The following GRID1 variants were observed in gnomAD, a reference collection of about 807,000 sequenced individuals.
GRID1 encodes glutamate ionotropic receptor delta type subunit 1.
Under a neutral mutation model 98.0 loss-of-function variants are expected in GRID1, and 28 were observed. The observed-to-expected ratio is 0.29, with a 90% confidence interval of 0.21 to 0.39. GRID1 has a LOEUF of 0.39. Ranked by LOEUF, GRID1 falls within the 10% of genes least tolerant of loss-of-function variation. The probability of loss-of-function intolerance (pLI) is 1.00; values close to 1 mark genes in which losing one functional copy is unlikely to be tolerated. For missense variants in GRID1, 1,111 were observed against 1,340.5 expected, an observed-to-expected ratio of 0.83 and a Z score of 2.67; for synonymous variants, 553 against 538.5, an observed-to-expected ratio of 1.03 and a Z score of -0.37.
intron 4 of GRID1, among the ~76,000 whole-genome samples, chr10:85,937,609 G>A (rs965929146): frequency 3.9e-5 from 6 of 152,220 alleles, no homozygotes; most frequent in African/African-American, 1.4e-4. Flanking sequence ...GATTCTAGAT[G>A]ATAGGAGCTG....
chr10:86,178,793 C>T (rs896836940), intron 3 of GRID1, among the ~76,000 whole-genome samples: 4 of 152,106 alleles, frequency 2.6e-5, no homozygotes, highest in East Asian at 1.9e-4. Context: ...CTGCTTGATT[C>T]GGAGTGAGAC....
intron 13 of GRID1, chr10:85,644,109 A>G (rs1417769912): frequency 6.6e-6 from 1 of 152,160 alleles, no homozygotes; most frequent in Non-Finnish European, 1.5e-5. Flanking sequence ...TCGCCTGCAA[A>G]GAGGGAAGGG....
At chr10:86,313,855 G>A (rs535030703) in intron 2 of GRID1, among the ~76,000 whole-genome samples, 5 of 152,266 alleles carry the variant, frequency 3.3e-5, no homozygotes, top group East Asian at 1.9e-4. Flanking sequence ...TGGGCCTGTC[G>A]GCGCTTGTTG....
intron 4 of GRID1, among the ~76,000 whole-genome samples, chr10:86,008,505 T>C (rs1216633271): frequency 6.6e-6 from 1 of 152,192 alleles, no homozygotes; most frequent in Admixed American, 6.5e-5. Context: ...ACACTTATAA[T>C]TGACCATGAA....
intron 4 of GRID1, among the ~76,000 whole-genome samples, chr10:85,991,853 G>A (rs1039638253): frequency 4.0e-5 from 6 of 149,444 alleles, no homozygotes; most frequent in South Asian, 2.1e-4. Context: ...GAAAGGGGAT[G>A]TGGAAAATGT....
At chr10:85,763,452 AC>A (rs1842168267) in intron 8 of GRID1, among the ~76,000 whole-genome samples, 1 of 152,174 alleles carries the variant, frequency 6.6e-6, no homozygotes, top group African/African-American at 2.4e-5. Flanking sequence ...ACTCTATCCC[AC>A]TACCTTCTGA....
intron 4 of GRID1, among the ~76,000 whole-genome samples, chr10:86,103,120 A>G (rs1228379450): frequency 1.3e-5 from 2 of 152,260 alleles, no homozygotes; most frequent in East Asian, 3.9e-4. Context: ...TCTTCATAGC[A>G]GTATGAAATG....
chr10:85,685,302 A>T (rs886613570), intron 12 of GRID1, among the ~76,000 whole-genome samples: 1 of 152,218 alleles, frequency 6.6e-6, no homozygotes, highest in Non-Finnish European at 1.5e-5. Flanking sequence ...TAAAACATAA[A>T]GTAAAATTTA....
At chr10:85,904,909 A>G (rs1173062533) in intron 5 of GRID1, among the ~76,000 whole-genome samples, 1 of 152,164 alleles carries the variant, frequency 6.6e-6, no homozygotes, top group African/African-American at 2.4e-5. Context: ...AAGTAAGAGG[A>G]TATGGAGGCA....
chr10:85,749,596 G>A (rs1055183852), intron 8 of GRID1, among the ~76,000 whole-genome samples: 1 of 152,132 alleles, frequency 6.6e-6, no homozygotes, highest in African/African-American at 2.4e-5. Flanking sequence ...TTTAAAATAA[G>A]ATCCAAATTC....
intron 6 of GRID1, among the ~76,000 whole-genome samples, chr10:85,862,146 A>G (rs1268523811): frequency 1.3e-5 from 2 of 152,212 alleles, no homozygotes; most frequent in African/African-American, 4.8e-5. Context: ...TGCACATGCC[A>G]GTTTCCCTAA....
chr10:86,232,980 C>T (rs187286258), intron 2 of GRID1, among the ~76,000 whole-genome samples: 3 of 152,268 alleles, frequency 2.0e-5, no homozygotes, highest in Admixed American at 2.0e-4. Flanking sequence ...TAATGCTTGG[C>T]TCTGATAAAT....
intron 4 of GRID1, among the ~76,000 whole-genome samples, chr10:85,955,694 G>C (rs1262844454): frequency 6.6e-6 from 1 of 152,046 alleles, no homozygotes; most frequent in African/African-American, 2.4e-5. Flanking sequence ...GAGACTCCAG[G>C]CTGTCCTTTC....
intron 2 of GRID1, among the ~76,000 whole-genome samples, chr10:86,231,660 T>C (rs987592271): frequency 2.6e-5 from 4 of 152,202 alleles, no homozygotes; most frequent in African/African-American, 9.7e-5. Context: ...CCTGTCCAAG[T>C]GTGTCTCCAA....
At chr10:85,611,580 G>A (rs934778268) in intron 15 of GRID1, among the ~76,000 whole-genome samples, 1 of 152,186 alleles carries the variant, frequency 6.6e-6, no homozygotes, top group Non-Finnish European at 1.5e-5. Flanking sequence ...AACACGGAGC[G>A]GGTGCAACGT....
At chr10:85,980,403 T>C (rs190781248) in intron 4 of GRID1, among the ~76,000 whole-genome samples, 2 of 152,310 alleles carry the variant, frequency 1.3e-5, no homozygotes, top group Admixed American at 1.3e-4. Flanking sequence ...AGGAAACTTA[T>C]GTTTCCATAT....
At chr10:85,690,030 C>T (rs1841315146) in intron 12 of GRID1, among the ~76,000 whole-genome samples, 2 of 151,782 alleles carry the variant, frequency 1.3e-5, no homozygotes, top group Admixed American at 6.6e-5. Flanking sequence ...CTCAGATTTT[C>T]CAAAAAAGAT....
At position 85,602,439 on chromosome 10, in the gene GRID1, A is replaced by T. The variant is rs1842593319; in HGVS notation, c.2864T>A (p.Leu955Gln). The T allele has an allele frequency of 6.2e-7, 1 of 1,614,026 alleles. No homozygotes were observed. Among genetic ancestry groups the T allele is most frequent in the Non-Finnish European group, 8.5e-7 (1 of 1,180,026 alleles). The change falls in exon 16 of 16, where the codon CTG becomes CAG. Residue 955 changes from leucine to glutamine, a missense_variant. By Grantham distance (113) the Leu-to-Gln change is moderately radical (BLOSUM62 -2). Around this residue, in one of 3 missense-constraint regions of GRID1, gnomAD observed 762 missense variants for 869.1 expected, o/e 0.88. Coordinates refer to ENST00000327946, the MANE Select transcript of GRID1 (RefSeq NM_017551.3). ...SGPSSNLPLP[L>Q]SSSATMPSMQ... is the part of the protein sequence containing the mutation. ...GGAGGGCATGGTCGCCGAGCTGCTC[A>T]GCGGCAGCGGCAGGTTGCTGCTGGG...
rs145289006 is a variant in GRID1, at chr10:86,302,288, C to T, written c.235+61653G>A. The stretch of plus-strand genomic sequence containing the variant: ...CACATCTGCAGCAAGAGGCAGTAGT[C>T]CTCGCCCAGCAGAGGAAAAGAAAGG... On this transcript the variant is annotated intron_variant, in intron 2 of 15. Coordinates refer to ENST00000327946, the MANE Select transcript of GRID1 (RefSeq NM_017551.3). Among the ~76,000 whole-genome samples the T allele has an allele frequency of 5.3e-3, 807 of 152,318 alleles. 3 individuals carry two copies. Among genetic ancestry groups the T allele is most frequent in the Admixed American group, 8.3e-3 (127 of 15,306 alleles).
Sources: allele counts gnomAD v4.1 joint callset (sites outside exome capture counted in the v4.1 genomes callset), GRCh38; gene constraint gnomAD v4.1.1; regional missense constraint gnomAD v4.1.1; transcripts MANE v1.5; gene names NCBI Gene and HGNC (gene_info 2026-07-23, HGNC 2026-07-21).